DRC11: variants seen among roughly 807,000 people sequenced by gnomAD.
DRC11 encodes dynein regulatory complex subunit 11, also known as IQ and AAA domain-containing protein 1.
At chr2:236,401,449 C>A in the DRC11 span, among the ~76,000 whole-genome samples, 3 of 152,214 alleles carry the variant, frequency 2.0e-5, no homozygotes, top group Non-Finnish European at 4.4e-5. The surrounding 1 kb of genome is among the most constrained non-coding windows in gnomAD (Gnocchi z 4.6). Flanking sequence ...AAGGACCCCG[C>A]CAGCCCTGGG....
At chr2:236,391,687 C>T in the DRC11 span, among the ~76,000 whole-genome samples, 56 of 152,296 alleles carry the variant, frequency 3.7e-4, no homozygotes, top group Middle Eastern at 6.8e-3. This position sits in a 1 kb window ranked among gnomAD's most constrained non-coding sequence, Gnocchi z 4.5. Context: ...TGTGCTTTGG[C>T]TCTTTTGATA....
the DRC11 span, among the ~76,000 whole-genome samples, chr2:236,500,297 C>T: frequency 6.6e-6 from 1 of 152,176 alleles, no homozygotes; most frequent in African/African-American, 2.4e-5. The surrounding 1 kb of genome is among the most constrained non-coding windows in gnomAD (Gnocchi z 6.3). Context: ...AGTTTGAATG[C>T]AGGACGTACA....
At chr2:236,386,968 T>C in the DRC11 span, among the ~76,000 whole-genome samples, 1,220 of 147,578 alleles carry the variant, frequency 8.3e-3, 63 homozygotes, top group Admixed American at 0.074. Flanking sequence ...TGTAGTTGAG[T>C]GGTTTTGAGT....
At chr2:236,450,346 G>T in the DRC11 span, among the ~76,000 whole-genome samples, 14 of 127,964 alleles carry the variant, frequency 1.1e-4, no homozygotes, top group Admixed American at 8.7e-4. Flanking sequence ...TTGAGACGGG[G>T]TCTCGCTCTG....
the DRC11 span, among the ~76,000 whole-genome samples, chr2:236,457,397 C>A: frequency 6.6e-6 from 1 of 152,178 alleles, no homozygotes; most frequent in Non-Finnish European, 1.5e-5. This position sits in a 1 kb window ranked among gnomAD's most constrained non-coding sequence, Gnocchi z 4.7. Context: ...ATTGCACAGC[C>A]CTGGTCTGGA....
the DRC11 span, among the ~76,000 whole-genome samples, chr2:236,500,107 G>T: frequency 6.6e-6 from 1 of 150,738 alleles, no homozygotes; most frequent in East Asian, 1.9e-4. The surrounding 1 kb of genome is among the most constrained non-coding windows in gnomAD (Gnocchi z 6.3). Context: ...TGATGATGAT[G>T]ATGATGATGA....
chr2:236,377,256 A>G, the DRC11 span: 1 of 883,908 alleles, frequency 1.1e-6, no homozygotes, highest in Non-Finnish European at 1.9e-6. The surrounding 1 kb of genome is among the most constrained non-coding windows in gnomAD (Gnocchi z 4.9). Flanking sequence ...GTTAATGATC[A>G]CATACGCGGA....
chr2:236,399,689 C>T, the DRC11 span, among the ~76,000 whole-genome samples: 2 of 152,172 alleles, frequency 1.3e-5, no homozygotes, highest in Admixed American at 6.5e-5. The surrounding 1 kb of genome is among the most constrained non-coding windows in gnomAD (Gnocchi z 7.0). Context: ...CGAAGCATCC[C>T]CTGCTGATAC....
chr2:236,322,102 C>T, the DRC11 span, among the ~76,000 whole-genome samples: 3 of 150,628 alleles, frequency 2.0e-5, no homozygotes, highest in Non-Finnish European at 4.4e-5. Context: ...CTGCCCTAAA[C>T]CTTTAAATAC....
the DRC11 span, among the ~76,000 whole-genome samples, chr2:236,403,228 T>A: frequency 0.019 from 2,848 of 152,052 alleles, 87 homozygotes; most frequent in African/African-American, 0.065. Context: ...GGGGAGGCTG[T>A]GTCTCACAGG....
chr2:236,503,486 G>A, the DRC11 span: 2 of 822,440 alleles, frequency 2.4e-6, no homozygotes, highest in Middle Eastern at 2.4e-4. This position sits in a 1 kb window ranked among gnomAD's most constrained non-coding sequence, Gnocchi z 4.9. Flanking sequence ...AGTCCTGGTG[G>A]CTTGAGCCTT....
the DRC11 span, chr2:236,507,125 T>TG: frequency 2.4e-6 from 2 of 825,328 alleles, no homozygotes; most frequent in South Asian, 3.2e-5. Context: ...GGAAAAAAAG[T>TG]GGGGGAGAGG....
chr2:236,497,896 G>T, the DRC11 span, among the ~76,000 whole-genome samples: 1 of 152,200 alleles, frequency 6.6e-6, no homozygotes, highest in Non-Finnish European at 1.5e-5. The surrounding 1 kb of genome is among the most constrained non-coding windows in gnomAD (Gnocchi z 5.1). Flanking sequence ...TTCTTATTAA[G>T]TTGAACGTGT....
chr2:236,481,780 G>A, the DRC11 span, among the ~76,000 whole-genome samples: 2 of 151,724 alleles, frequency 1.3e-5, no homozygotes, highest in African/African-American at 4.8e-5. Flanking sequence ...GCATGGATGT[G>A]TGTATATACT....
At chr2:236,321,770 G>A in the DRC11 span, among the ~76,000 whole-genome samples, 2 of 152,100 alleles carry the variant, frequency 1.3e-5, no homozygotes, top group Admixed American at 1.3e-4. Flanking sequence ...GCATTTCAAG[G>A]ATATCACTTC....
At chr2:236,319,806 G>A in the DRC11 span, among the ~76,000 whole-genome samples, 135 of 152,268 alleles carry the variant, frequency 8.9e-4, no homozygotes, top group African/African-American at 2.6e-3. The surrounding 1 kb of genome is among the most constrained non-coding windows in gnomAD (Gnocchi z 6.7). Context: ...ACTTCATCAC[G>A]AACTCTCAGA....
At chr2:236,491,245 A>AT in the DRC11 span, among the ~76,000 whole-genome samples, 1 of 44,648 alleles carries the variant, frequency 2.2e-5, no homozygotes, top group Non-Finnish European at 5.2e-5. Context: ...ATATATACAC[A>AT]GTATATATAT....
chr2:236,357,781 GT>G, the DRC11 span, among the ~76,000 whole-genome samples: 1 of 123,152 alleles, frequency 8.1e-6, no homozygotes, highest in Non-Finnish European at 1.6e-5. Context: ...GTAAATATAT[GT>G]TATATATACA....
the DRC11 span, among the ~76,000 whole-genome samples, chr2:236,450,373 G>A: frequency 7.5e-6 from 1 of 132,998 alleles, no homozygotes; most frequent in African/African-American, 2.9e-5. Flanking sequence ...AGGCTGGAGT[G>A]CAGTGGCGCA....
Sources: gnomAD v4.1 joint callset for allele counts (sites outside exome capture counted in the v4.1 genomes callset) on GRCh38, gnomAD v4.1.1 for gene constraint, Gnocchi (gnomAD v3.1) non-coding constraint, MANE v1.5 for transcripts, NCBI Gene and HGNC (gene_info 2026-07-23, HGNC 2026-07-21) for gene names.